PTK2: variants seen among roughly 807,000 people sequenced by gnomAD.
PTK2 encodes the protein focal adhesion kinase 1.
In PTK2, 45 loss-of-function variants were observed where a neutral mutation model predicts 150.1. The ratio of observed to expected loss-of-function variants is 0.30; its 90% CI spans 0.24 to 0.38. The LOEUF (loss-of-function observed/expected upper bound fraction) is 0.38. PTK2 is among the 10% of genes least tolerant of loss of function. PTK2 has a pLI of 1.00. For missense variants in PTK2, 919 were observed against 1,307.3 expected, an observed-to-expected ratio of 0.70 and a Z score of 4.58; for synonymous variants, 432 against 449.2, an observed-to-expected ratio of 0.96 and a Z score of 0.48.
chr8:140,700,038 T>A (rs948557292), intron 26 of PTK2, among the ~76,000 whole-genome samples: 8 of 152,218 alleles, frequency 5.3e-5, no homozygotes, highest in African/African-American at 1.9e-4. Context: ...TAATCTTCAT[T>A]TAACTGTTAA....
intron 12 of PTK2, among the ~76,000 whole-genome samples, chr8:140,794,772 A>C (rs946307108): frequency 3.3e-5 from 5 of 152,024 alleles, no homozygotes; most frequent in Non-Finnish European, 7.4e-5. Context: ...TCTTAACCTC[A>C]CTTCCTTGGT....
intron 27 of PTK2, among the ~76,000 whole-genome samples, chr8:140,679,059 C>T (rs527401076): frequency 1.8e-5 from 2 of 112,174 alleles, no homozygotes; most frequent in South Asian, 3.4e-4. Context: ...GACTCTTGCT[C>T]TGTCGCCCAG....
At chr8:140,674,110 A>T (rs113795046) in intron 29 of PTK2, 188 bp downstream of exon 32, 2 of 749,542 alleles carry the variant, frequency 2.7e-6, no homozygotes, top group Middle Eastern at 4.6e-4. Context: ...GTTTGCATAA[A>T]GCTTTTCCCT....
intron 10 of PTK2, among the ~76,000 whole-genome samples, chr8:140,817,617 T>C (rs1385161324): frequency 1.3e-5 from 2 of 152,204 alleles, no homozygotes; most frequent in African/African-American, 2.4e-5. Flanking sequence ...ATGTATTCCA[T>C]ATTTATTTTG....
chr8:140,726,406 AG>A (rs1432248947), intron 22 of PTK2, among the ~76,000 whole-genome samples: 1 of 152,186 alleles, frequency 6.6e-6, no homozygotes, highest in Non-Finnish European at 1.5e-5. Context: ...TAGATTCAAG[AG>A]GCTCAGCAAA....
rs1241108708 is a variant in PTK2 at position 140,743,807 on chromosome 8, T to C, written c.1635-477A>G. ...TTTTTTTTTTTTTTGAGACAGAGTC[T>C]CGCTCTGTTGCCCAGGCTGGAGGGC... On this transcript the variant is annotated intron_variant, in intron 19 of 31. Coordinates refer to ENST00000522684, the Ensembl canonical transcript of PTK2. Among the ~76,000 whole-genome samples the C allele has an allele frequency of 8.6e-5, 13 of 151,188 alleles. No homozygotes were observed. In the East Asian group the frequency reaches 1.2e-3, roughly 14 times the overall value.
intron 1 of PTK2, among the ~76,000 whole-genome samples, chr8:140,961,821 GGTTTC>G (rs1348273029): frequency 6.6e-6 from 1 of 152,052 alleles, no homozygotes; most frequent in African/African-American, 2.4e-5. Context: ...AGAAAGCAAA[GGTTTC>G]TTTTATAGGT....
chr8:140,968,229 A>G (rs1209258474), intron 1 of PTK2, among the ~76,000 whole-genome samples: 1 of 152,202 alleles, frequency 6.6e-6, no homozygotes, highest in Non-Finnish European at 1.5e-5. Flanking sequence ...TAACTTGCCC[A>G]TTTTGTATGC....
chr8:140,728,490 C>T (rs894245177), intron 22 of PTK2, among the ~76,000 whole-genome samples: 2 of 152,146 alleles, frequency 1.3e-5, no homozygotes, highest in Admixed American at 6.5e-5. Context: ...AGTGTGTGTG[C>T]TTACCATGAG....
chr8:140,890,056 T>C (rs1341697321), intron 3 of PTK2, among the ~76,000 whole-genome samples: 1 of 152,232 alleles, frequency 6.6e-6, no homozygotes, highest in African/African-American at 2.4e-5. Context: ...GGCTCTAAGC[T>C]GTAAGATCAA....
chr8:140,918,204 T>C lies in PTK2; in HGVS notation c.-33+7457A>G, dbSNP rs149145777. Among the ~76,000 whole-genome samples, 29 of 152,182 alleles carry C rather than the reference T, an allele frequency of 1.9e-4. No homozygotes were observed. In the East Asian group the frequency reaches 5.0e-3, roughly 26 times the overall value. ...AACGCCTGAGAGGAAGAGTTCGGGGTGTTTGAGGCACTGAAAAGCCAAAAT... is the reference window on the plus strand; with the variant it reads ...AACGCCTGAGAGGAAGAGTTCGGGGCGTTTGAGGCACTGAAAAGCCAAAAT... On this transcript the variant is annotated intron_variant, in intron 2 of 31. Transcript: ENST00000522684.
At position 140,849,858 on chromosome 8, in the gene PTK2, C is replaced by A. The variant is rs570769188; in HGVS notation, c.451-3180G>T. Among the ~76,000 whole-genome samples the A allele has an allele frequency of 7.2e-5, 11 of 152,332 alleles. No homozygotes were observed. The East Asian group carries it at 1.2e-3, about 16-fold the overall frequency. On this transcript the variant is annotated intron_variant, in intron 5 of 31. Coordinates refer to ENST00000522684, the Ensembl canonical transcript of PTK2. ...AGGATTCAAAATCCAGATGTATCAA[C>A]CCCGAAAACTCCAGCTTTAGTTTGT...
chr8:140,979,226 G>A (rs540548530), intron 1 of PTK2, among the ~76,000 whole-genome samples: 3 of 150,486 alleles, frequency 2.0e-5, no homozygotes, highest in South Asian at 2.1e-4. Flanking sequence ...AAACCTGCAC[G>A]TTGTGCACAT....
chr8:140,876,210 G>A (rs1002895073), intron 4 of PTK2, among the ~76,000 whole-genome samples: 3 of 151,908 alleles, frequency 2.0e-5, no homozygotes, highest in Non-Finnish European at 4.4e-5. Flanking sequence ...TCTTGCATCC[G>A]AGACCCTCCC....
intron 10 of PTK2, among the ~76,000 whole-genome samples, chr8:140,815,870 TAAAAATATTAAAG>T (rs2100104422): frequency 6.6e-6 from 1 of 152,074 alleles, no homozygotes; most frequent in Admixed American, 6.5e-5. Context: ...AAGCAAAAGA[TAAAAATATTAAAG>T]ACATGTTATT....
intron 20 of PTK2, among the ~76,000 whole-genome samples, chr8:140,740,922 C>A (rs182350812): frequency 6.6e-6 from 1 of 151,866 alleles, no homozygotes; most frequent in African/African-American, 2.4e-5. Flanking sequence ...GTGGGAAGAT[C>A]GCTTGAGCCC....
chr8:140,803,779 A>G, intron 10 of PTK2, 129 bp from the exon 11 acceptor site: 1 of 812,062 alleles, frequency 1.2e-6, no homozygotes, highest in Admixed American at 2.6e-5. Context: ...TGGGGAAAAA[A>G]ACAGATTCTC....
chr8:140,771,400 C>G (rs2100075431), intron 14 of PTK2: 1 of 152,190 alleles, frequency 6.6e-6, no homozygotes, highest in South Asian at 2.1e-4. Context: ...AGTCAAAAAG[C>G]TGGATCGATA....
At chr8:140,705,817 CT>C (rs2154140326) in intron 24 of PTK2, among the ~76,000 whole-genome samples, 1 of 152,344 alleles carries the variant, frequency 6.6e-6, no homozygotes, top group African/African-American at 2.4e-5. Flanking sequence ...AGTACTCCCT[CT>C]GCAGTGTGTG....
Sources: allele counts gnomAD v4.1 joint callset (sites outside exome capture counted in the v4.1 genomes callset), GRCh38; gene constraint gnomAD v4.1.1; transcripts MANE v1.5; gene names NCBI Gene and HGNC (gene_info 2026-07-23, HGNC 2026-07-21).